PTPRN2: variants seen among roughly 807,000 people sequenced by gnomAD.
The protein encoded by PTPRN2 is receptor-type tyrosine-protein phosphatase N2.
In PTPRN2, 74 loss-of-function variants were observed where a neutral mutation model predicts 118.8. That is an observed-to-expected ratio of 0.62 (90% CI 0.52 to 0.76). The LOEUF (loss-of-function observed/expected upper bound fraction) is 0.76, where lower values mean the gene tolerates loss of function less well. Ranked by LOEUF, PTPRN2 falls within the 30% of genes least tolerant of loss-of-function variation. The pLI is 0.00. For missense variants in PTPRN2, 1,481 were observed against 1,394.4 expected (o/e 1.06, Z -0.99); for synonymous variants, 641 against 608.0 (o/e 1.05, Z -0.80).
chr7:157,700,631 G>A (rs752929268), intron 12 of PTPRN2, among the ~76,000 whole-genome samples: 4 of 152,054 alleles, frequency 2.6e-5, no homozygotes, highest in Non-Finnish European at 5.9e-5. Context: ...CCTCAGCCTC[G>A]GCCATCTCTA....
At chr7:158,170,980 CATAT>C (rs767318502) in intron 5 of PTPRN2, among the ~76,000 whole-genome samples, 4 of 146,844 alleles carry the variant, frequency 2.7e-5, no homozygotes, top group African/African-American at 1.0e-4. Context: ...TATATACATA[CATAT>C]ATATATACAC....
intron 11 of PTPRN2, among the ~76,000 whole-genome samples, chr7:158,077,607 G>A (rs1812475762): frequency 6.6e-6 from 1 of 151,870 alleles, no homozygotes; most frequent in Non-Finnish European, 1.5e-5. Flanking sequence ...ACCCTCCGTG[G>A]CGCCCGAGAG....
At chr7:157,662,505 G>A (rs568868611) in intron 13 of PTPRN2, among the ~76,000 whole-genome samples, 7 of 152,204 alleles carry the variant, frequency 4.6e-5, no homozygotes, top group Non-Finnish European at 7.3e-5. Context: ...TTGGGCGTTC[G>A]TGGGAAGGGG....
At chr7:158,030,826 G>A (rs1807635854) in intron 11 of PTPRN2, 2 of 152,326 alleles carry the variant, frequency 1.3e-5, no homozygotes, top group South Asian at 4.1e-4. Context: ...GCCTGCCAGT[G>A]TGCGGGGCTC....
rs1563131351 is a variant in PTPRN2, at chr7:158,319,472, A to ACG, written c.164-2541_164-2540insCG. Among the ~76,000 whole-genome samples the ACG allele has an allele frequency of 4.9e-4, 28 of 56,614 alleles. 4 individuals are homozygous for ACG. The highest frequency in any genetic ancestry group is 9.2e-4 in the African/African-American group (13 of 14,168). The allele number at this position is 56,614 out of a possible 152,430, so 37.1% of individuals were successfully genotyped here. A position where few individuals can be genotyped will look rare whatever the true frequency, so the allele number is the denominator to read the frequency against. ...CACACGCACACAGCCTCCCTCACACACAAGCACAGCCTCCCTCACACTCAC... is the reference window on the plus strand; with the variant it reads ...CACACGCACACAGCCTCCCTCACACACGCAAGCACAGCCTCCCTCACACTCAC... On this transcript the variant is annotated intron_variant, in intron 2 of 22. Coordinates refer to ENST00000389418, the MANE Select transcript of PTPRN2 (RefSeq NM_002847.5).
Position 158,216,437 on chromosome 7 carries a change from TA to T in PTPRN2, c.278-11165del, listed in dbSNP as rs530293497. Among the ~76,000 whole-genome samples the T allele has an allele frequency of 4.3e-4, 65 of 151,854 alleles. 1 individual carries two copies. The South Asian group carries it at 0.012, about 29-fold the overall frequency. On this transcript the variant is annotated intron_variant, in intron 3 of 22. Transcript: ENST00000389418. Reference sequence around the variant, plus strand: ...AAACACTGGCTGAGTGGGTTTTTTTTAAAAAAAGACTCAACTATACACTATA... The same window carrying T: ...AAACACTGGCTGAGTGGGTTTTTTTTAAAAAAGACTCAACTATACACTATA...
intron 11 of PTPRN2, among the ~76,000 whole-genome samples, chr7:158,052,519 A>G (rs1401315343): frequency 6.6e-6 from 1 of 152,046 alleles, no homozygotes; most frequent in Non-Finnish European, 1.5e-5. Flanking sequence ...TCTCCGCCGC[A>G]TGGATGGTAG....
rs1802617164 is a variant in PTPRN2, at chr7:157,974,847, G to C, written c.1724-76110C>G. Among the ~76,000 whole-genome samples, 1 of 152,102 alleles carries C rather than the reference G, an allele frequency of 6.6e-6. No individual in the cohort carries two copies. The highest frequency in any genetic ancestry group is 2.4e-5 in the African/African-American group (1 of 41,394). ...CTGTGGGTGAAGAGCTGTGCGGGCG[G>C]GCACTGAGAAGAGGTGCCCACGTCC... is the stretch of plus-strand genomic sequence containing the variant. On this transcript the variant is annotated intron_variant, in intron 11 of 22. Transcript: ENST00000389418. This position sits in a 1 kb window ranked among gnomAD's most constrained non-coding sequence, Gnocchi z 4.0.
intron 11 of PTPRN2, among the ~76,000 whole-genome samples, chr7:157,984,046 G>A (rs1019100041): frequency 3.3e-5 from 5 of 152,136 alleles, no homozygotes; most frequent in Non-Finnish European, 5.9e-5. Context: ...CTGACAGGGT[G>A]CACTTGCACA....
At chr7:158,372,023 C>T (rs532972216) in intron 2 of PTPRN2, among the ~76,000 whole-genome samples, 24 of 152,320 alleles carry the variant, frequency 1.6e-4, no homozygotes, top group Non-Finnish European at 2.4e-4. Context: ...CCCTCCTGGG[C>T]GCTGGCTGTG....
At chr7:158,081,637 T>C (rs1294637325) in intron 10 of PTPRN2, among the ~76,000 whole-genome samples, 1 of 152,120 alleles carries the variant, frequency 6.6e-6, no homozygotes, top group Non-Finnish European at 1.5e-5. Context: ...AAAATTCACA[T>C]CAACCTCTGA....
Position 158,329,449 on chromosome 7 carries a change from G to A in PTPRN2, c.164-12517C>T, listed in dbSNP as rs544511102. ...CGGGTGCTGCTGTTAGCAGGCGGAC[G>A]GCTGAGAGGCGAGGAGGTGGGGCCT... On this transcript the variant is annotated intron_variant, in intron 2 of 22. Coordinates refer to ENST00000389418, the MANE Select transcript of PTPRN2 (RefSeq NM_002847.5). 7.9e-5 allele frequency among the ~76,000 whole-genome samples: 12 copies of A among 152,290 alleles called. No homozygotes were observed. The South Asian group carries it at 1.2e-3, about 16-fold the overall frequency.
intron 5 of PTPRN2, among the ~76,000 whole-genome samples, chr7:158,191,278 T>G (rs1337119192): frequency 6.6e-6 from 1 of 152,208 alleles, no homozygotes; most frequent in Non-Finnish European, 1.5e-5. Context: ...GAGACCCCAG[T>G]GGAGTCCAAG....
chr7:157,856,404 T>C (rs989475160), intron 12 of PTPRN2, among the ~76,000 whole-genome samples: 9 of 152,360 alleles, frequency 5.9e-5, no homozygotes, highest in African/African-American at 2.2e-4. Flanking sequence ...ACAGCTCAGA[T>C]GTCTATTTTA....
intron 11 of PTPRN2, among the ~76,000 whole-genome samples, chr7:157,945,315 T>C (rs1161431095): frequency 6.6e-6 from 1 of 152,062 alleles, no homozygotes; most frequent in African/African-American, 2.4e-5. Context: ...AGCCTCCGCC[T>C]GCTAGCTGCT....
At position 157,731,031 on chromosome 7, in the gene PTPRN2, TC is replaced by T. The variant is rs2150939356; in HGVS notation, c.1789-48095del. Among the ~76,000 whole-genome samples, 3 of 152,116 alleles carry T rather than the reference TC, an allele frequency of 2.0e-5. No homozygotes were observed. In the East Asian group the frequency reaches 5.8e-4, roughly 29 times the overall value. ...AGGTGCCACACGTGGTCTCCTGAACTCCCAGCCCTGGACGAGGGGGTCCTGT... is the reference window on the plus strand; with the variant it reads ...AGGTGCCACACGTGGTCTCCTGAACTCCAGCCCTGGACGAGGGGGTCCTGT... On this transcript the variant is annotated intron_variant, in intron 12 of 22. Transcript: ENST00000389418.
chr7:157,860,813 C>A (rs1810177783), intron 12 of PTPRN2, among the ~76,000 whole-genome samples: 1 of 152,252 alleles, frequency 6.6e-6, no homozygotes. Flanking sequence ...GTCCGTCCAA[C>A]CAGGGAAGGC....
At chr7:157,756,604 T>A (rs991048769) in intron 12 of PTPRN2, among the ~76,000 whole-genome samples, 3 of 152,182 alleles carry the variant, frequency 2.0e-5, no homozygotes, top group South Asian at 2.1e-4. Flanking sequence ...AGCCTCCTGT[T>A]TTGTGGAGTA....
chr7:157,772,412 G>A (rs1802934344), intron 12 of PTPRN2, among the ~76,000 whole-genome samples: 1 of 152,000 alleles, frequency 6.6e-6, no homozygotes, highest in Non-Finnish European at 1.5e-5. Context: ...GACACACATA[G>A]ACACAAACAC....
Sources: allele counts gnomAD v4.1 joint callset (sites outside exome capture counted in the v4.1 genomes callset), GRCh38; gene constraint gnomAD v4.1.1; non-coding constraint Gnocchi (gnomAD v3.1); transcripts MANE v1.5; gene names NCBI Gene and HGNC (gene_info 2026-07-23, HGNC 2026-07-21).